PVT1: variants seen among roughly 807,000 people sequenced by gnomAD.
The protein encoded by PVT1 is CXCR4/PVT1 fusion.
intron 3 of PVT1, among the ~76,000 whole-genome samples, chr8:127,936,072 A>G (rs1475793720): frequency 5.8e-5 from 5 of 85,616 alleles, no homozygotes; most frequent in African/African-American, 1.9e-4. Context: ...TTTTTTTGAG[A>G]TGGAGTTTTG....
intron 3 of PVT1, among the ~76,000 whole-genome samples, chr8:127,915,781 C>T (rs1815977166): frequency 6.6e-6 from 1 of 152,246 alleles, no homozygotes; most frequent in Admixed American, 6.5e-5. Flanking sequence ...TGGTCTGACT[C>T]TAGAATGCTG....
chr8:128,015,591 G>T (rs1817363350), intron 4 of PVT1, among the ~76,000 whole-genome samples: 1 of 151,876 alleles, frequency 6.6e-6, no homozygotes, highest in East Asian at 1.9e-4. Context: ...TGGCCAACAT[G>T]GTGAAACCCT....
chr8:127,923,213 G>A (rs1816084051), intron 3 of PVT1, among the ~76,000 whole-genome samples: 3 of 152,218 alleles, frequency 2.0e-5, no homozygotes, highest in Non-Finnish European at 4.4e-5. Context: ...TCACCGTTGA[G>A]TTCATCATAG....
intron 2 of PVT1, among the ~76,000 whole-genome samples, chr8:127,884,439 T>C (rs900980340): frequency 2.6e-5 from 4 of 152,232 alleles, no homozygotes; most frequent in African/African-American, 9.6e-5. Context: ...ATCCTTAGAC[T>C]TGTCTTCTGG....
chr8:127,985,039 C>CTTTCTTTCT (rs1263091650), intron 3 of PVT1, among the ~76,000 whole-genome samples: 1 of 104,606 alleles, frequency 9.6e-6, no homozygotes, highest in Admixed American at 1.0e-4. Context: ...CCTTCCTTTC[C>CTTTCTTTCT]TTCTTTTTTT....
chr8:128,006,026 C>T (rs1267722787), intron 4 of PVT1, among the ~76,000 whole-genome samples: 1 of 151,434 alleles, frequency 6.6e-6, no homozygotes, highest in African/African-American at 2.4e-5. Context: ...TCACTTGAAC[C>T]TGGGAGGCAG....
chr8:128,036,266 T>C (rs539530985), intron 4 of PVT1, among the ~76,000 whole-genome samples: 5 of 152,338 alleles, frequency 3.3e-5, no homozygotes, highest in Admixed American at 3.3e-4. Context: ...AGGGTAATAG[T>C]GATTTCCATC....
intron 4 of PVT1, among the ~76,000 whole-genome samples, chr8:128,016,434 A>T (rs773387901): frequency 1.3e-5 from 2 of 152,186 alleles, no homozygotes; most frequent in Non-Finnish European, 2.9e-5. Context: ...GTAGGTACAC[A>T]TGGCCTCACA....
chr8:127,918,623 ATAG>A (rs1197568265), intron 3 of PVT1, among the ~76,000 whole-genome samples: 16 of 152,304 alleles, frequency 1.1e-4, no homozygotes, highest in African/African-American at 3.8e-4. Flanking sequence ...ATGCTGGCAC[ATAG>A]TAGGCCCTCC....
intron 4 of PVT1, among the ~76,000 whole-genome samples, chr8:128,058,412 A>T (rs556554390): frequency 3.1e-5 from 4 of 129,110 alleles, no homozygotes; most frequent in Non-Finnish European, 5.1e-5. Flanking sequence ...GTGTGTGTGT[A>T]TAGTTGTATG....
At chr8:127,817,687 G>T (rs1407431435) in intron 2 of PVT1, among the ~76,000 whole-genome samples, 2 of 149,048 alleles carry the variant, frequency 1.3e-5, no homozygotes, top group African/African-American at 4.9e-5. Context: ...TGGGAAACCA[G>T]CCTGGGCAAC....
chr8:127,912,464 A>G (rs970530423), intron 3 of PVT1, among the ~76,000 whole-genome samples: 4 of 152,136 alleles, frequency 2.6e-5, no homozygotes, highest in Non-Finnish European at 5.9e-5. Flanking sequence ...GAGAGAGCAT[A>G]ATCCTAGGAG....
At chr8:127,953,071 G>A (rs1314313366) in intron 3 of PVT1, among the ~76,000 whole-genome samples, 2 of 152,224 alleles carry the variant, frequency 1.3e-5, no homozygotes, top group African/African-American at 4.8e-5. Context: ...GCCCGTGCCT[G>A]CATTTTTCAG....
At chr8:127,901,761 TA>T (rs199546334) in intron 3 of PVT1, among the ~76,000 whole-genome samples, 176 of 150,402 alleles carry the variant, frequency 1.2e-3, no homozygotes, top group Middle Eastern at 3.4e-3. Flanking sequence ...TTTTTTTTTT[TA>T]AATTTCTAAT....
intron 4 of PVT1, among the ~76,000 whole-genome samples, chr8:128,066,826 T>A (rs903279811): frequency 6.6e-6 from 1 of 152,218 alleles, no homozygotes; most frequent in African/African-American, 2.4e-5. Flanking sequence ...CTTTATGTGG[T>A]CTTCACTCGT....
intron 3 of PVT1, among the ~76,000 whole-genome samples, chr8:127,902,274 A>C (rs1378963186): frequency 6.6e-6 from 1 of 152,136 alleles, no homozygotes; most frequent in African/African-American, 2.4e-5. Context: ...TGTGAATTGA[A>C]TGATACCACT....
At chr8:128,025,067 C>T (rs944497712) in intron 4 of PVT1, among the ~76,000 whole-genome samples, 4 of 152,236 alleles carry the variant, frequency 2.6e-5, no homozygotes, top group Admixed American at 1.3e-4. Context: ...CTGGCTGCCC[C>T]GGCATCTACC....
chr8:127,979,190 C>T (rs1222357084), intron 3 of PVT1, among the ~76,000 whole-genome samples: 1 of 152,192 alleles, frequency 6.6e-6, no homozygotes, highest in Non-Finnish European at 1.5e-5. Context: ...TTACCAAACT[C>T]CTTTTTTATA....
intron 4 of PVT1, among the ~76,000 whole-genome samples, chr8:128,012,395 C>T (rs1295057141): frequency 6.6e-6 from 1 of 152,178 alleles, no homozygotes; most frequent in East Asian, 1.9e-4. Context: ...TCAATATCCC[C>T]TTTAATGCTC....
Sources: gnomAD v4.1 joint callset for allele counts (sites outside exome capture counted in the v4.1 genomes callset) on GRCh38, gnomAD v4.1.1 for gene constraint, MANE v1.5 for transcripts, NCBI Gene and HGNC (gene_info 2026-07-23, HGNC 2026-07-21) for gene names.